The following ROBO2 variants were observed in gnomAD, a reference collection of about 807,000 sequenced individuals.
The protein encoded by ROBO2 is roundabout homolog 2.
A neutral mutation model predicts 160.8 loss-of-function variants in ROBO2; 53 were observed. That is an observed-to-expected ratio of 0.33 (90% confidence interval 0.26 to 0.41). ROBO2 has a LOEUF of 0.41. Among genes scored for constraint, ROBO2 ranks in the 10% least tolerant of loss-of-function variants. ROBO2 has a pLI of 1.00. For missense variants in ROBO2, 1,577 were observed against 1,722.4 expected, an observed-to-expected ratio of 0.92 and a Z score of 1.49; for synonymous variants, 664 against 611.7, an observed-to-expected ratio of 1.09 and a Z score of -1.26.
At position 77,311,614 on chromosome 3, in the gene ROBO2, C is replaced by G. The variant is rs149911837; in HGVS notation, c.389-165800C>G. ...CCCATACGACAGTCATCTTGATTCA[C>G]AGGAAATGGGGATTGAACTGGGTTC... On this transcript the variant is annotated intron_variant, in intron 2 of 25. Coordinates refer to ENST00000461745, the Ensembl canonical transcript of ROBO2. Among the ~76,000 whole-genome samples, 190 of 152,328 alleles carry G rather than the reference C, an allele frequency of 1.2e-3. 1 individual carries two copies. The highest frequency in any genetic ancestry group is 4.2e-3 in the African/African-American group (176 of 41,562).
chr3:77,205,299 A>C (rs1004474594), intron 2 of ROBO2, among the ~76,000 whole-genome samples: 1 of 151,914 alleles, frequency 6.6e-6, no homozygotes, highest in Non-Finnish European at 1.5e-5. Flanking sequence ...GGGGCAATGG[A>C]CTGGGAAGAT....
chr3:77,042,121 A>G (rs2064158569), intron 1 of ROBO2, among the ~76,000 whole-genome samples: 1 of 152,184 alleles, frequency 6.6e-6, no homozygotes, highest in African/African-American at 2.4e-5. Context: ...GTTTTCAATC[A>G]TGGACTACAT....
At chr3:77,189,497 C>A (rs1355770304) in intron 2 of ROBO2, among the ~76,000 whole-genome samples, 1 of 151,836 alleles carries the variant, frequency 6.6e-6, no homozygotes, top group East Asian at 1.9e-4. Context: ...CACTCAATCA[C>A]CGTGACATAA....
chr3:76,174,918 A>G (rs1559613512), intron 2 of ROBO2, among the ~76,000 whole-genome samples: 1 of 152,146 alleles, frequency 6.6e-6, no homozygotes, highest in South Asian at 2.1e-4. Flanking sequence ...TAGTAGCTTG[A>G]TGGGAATAGC....
At chr3:77,499,280 A>G (rs555361917) in intron 5 of ROBO2, among the ~76,000 whole-genome samples, 1 of 152,106 alleles carries the variant, frequency 6.6e-6, no homozygotes, top group South Asian at 2.1e-4. Context: ...AGCTATTTAA[A>G]CTCTATGTTT....
chr3:76,019,258 A>C (rs72890372), intron 2 of ROBO2, among the ~76,000 whole-genome samples: 8,888 of 150,974 alleles, frequency 0.059, 817 homozygotes, highest in African/African-American at 0.2. Flanking sequence ...GCCTCCCTAC[A>C]TGGTTAAGTT....
chr3:77,111,763 T>G (rs147326825), intron 2 of ROBO2, among the ~76,000 whole-genome samples: 1 of 152,130 alleles, frequency 6.6e-6, no homozygotes, highest in Non-Finnish European at 1.5e-5. Context: ...ATGAGTAGAG[T>G]GCATTATGGA....
intron 2 of ROBO2, among the ~76,000 whole-genome samples, chr3:76,340,307 T>C (rs2074147234): frequency 6.6e-6 from 1 of 152,146 alleles, no homozygotes; most frequent in Admixed American, 6.6e-5. Context: ...ATTTCATTTA[T>C]CTTCCAAGTT....
chr3:77,015,774 G>C (rs1158336475), intron 2 of ROBO2, among the ~76,000 whole-genome samples: 1 of 152,070 alleles, frequency 6.6e-6, no homozygotes, highest in African/African-American at 2.4e-5. Flanking sequence ...CCCAGCCCCA[G>C]GCCCACAATT....
intron 5 of ROBO2, among the ~76,000 whole-genome samples, chr3:77,494,990 A>T (rs549211299): frequency 6.6e-6 from 1 of 152,334 alleles, no homozygotes; most frequent in Non-Finnish European, 1.5e-5. Flanking sequence ...GTATTAGTAG[A>T]AGAGGTTTGT....
chr3:77,206,313 G>C (rs926707201), intron 2 of ROBO2, among the ~76,000 whole-genome samples: 1 of 152,058 alleles, frequency 6.6e-6, no homozygotes, highest in African/African-American at 2.4e-5. Flanking sequence ...GGGATTACAG[G>C]TGCCCGCCAC....
rs1839048 is a variant in ROBO2, at chr3:76,605,819, G to C, written c.110-492195G>C. Among the ~76,000 whole-genome samples the C allele has an allele frequency of 6.8e-4, 104 of 152,140 alleles. No individual in the cohort carries two copies. In the South Asian group the frequency reaches 0.012, roughly 18 times the overall value. On this transcript the variant is annotated intron_variant, in intron 2 of 26. Coordinates refer to the ROBO2 transcript ENST00000487694. The stretch of plus-strand genomic sequence containing the variant: ...ATTTTTCTCCCCCCCTTATTTGATA[G>C]GTGCAGCCTGGGAGAAAATACACTT...
intron 2 of ROBO2, among the ~76,000 whole-genome samples, chr3:77,349,940 T>C (rs945956728): frequency 6.6e-6 from 1 of 152,050 alleles, no homozygotes; most frequent in African/African-American, 2.4e-5. Context: ...GGTCCCGATG[T>C]TAGTTATTTC....
chr3:77,201,610 A>G (rs111927626), intron 2 of ROBO2, among the ~76,000 whole-genome samples: 213 of 152,352 alleles, frequency 1.4e-3, no homozygotes, highest in African/African-American at 4.5e-3. Context: ...TAAGTTTTAC[A>G]TAAAAGTATG....
intron 2 of ROBO2, among the ~76,000 whole-genome samples, chr3:76,721,850 T>G (rs2093471695): frequency 6.6e-6 from 1 of 152,192 alleles, no homozygotes; most frequent in Non-Finnish European, 1.5e-5. Context: ...ACACCCAGTG[T>G]GTTACAATTG....
intron 2 of ROBO2, among the ~76,000 whole-genome samples, chr3:76,213,064 A>G (rs942994893): frequency 2.0e-5 from 3 of 152,160 alleles, no homozygotes; most frequent in African/African-American, 7.2e-5. Flanking sequence ...ACTTGACAGA[A>G]GGAGAGACAA....
At chr3:77,493,501 G>A in intron 5 of ROBO2, 119 bp downstream of exon 5, 1 of 1,097,168 alleles carries the variant, frequency 9.1e-7, no homozygotes. Flanking sequence ...TCACTCATGT[G>A]ATTTTTACAT....
chr3:76,455,107 A>G (rs2077682808), intron 2 of ROBO2, among the ~76,000 whole-genome samples: 3 of 152,156 alleles, frequency 2.0e-5, no homozygotes, highest in African/African-American at 7.2e-5. Context: ...AGTGTTTCAC[A>G]AATTTATTTC....
chr3:77,131,198 C>T (rs2075823543), intron 2 of ROBO2, among the ~76,000 whole-genome samples: 1 of 152,118 alleles, frequency 6.6e-6, no homozygotes, highest in African/African-American at 2.4e-5. Flanking sequence ...TTGAAAGATG[C>T]TCCCCTCCAC....
Sources: gnomAD v4.1 joint callset for allele counts (sites outside exome capture counted in the v4.1 genomes callset) on GRCh38, gnomAD v4.1.1 for gene constraint, MANE v1.5 for transcripts, NCBI Gene and HGNC (gene_info 2026-07-23, HGNC 2026-07-21) for gene names.